KHDRBS2: variants seen among roughly 807,000 people sequenced by gnomAD.
KHDRBS2 encodes KH RNA binding domain containing, signal transduction associated 2, also known as KH domain-containing, RNA-binding, signal transduction-associated protein 2.
KHDRBS2 carries 26 observed loss-of-function variants against 44.3 expected under a neutral mutation model. That is an observed-to-expected ratio of 0.59 (90% CI 0.43 to 0.81). The LOEUF (loss-of-function observed/expected upper bound fraction) is 0.81. Ranked by LOEUF, KHDRBS2 falls within the 40% of genes least tolerant of loss-of-function variation. KHDRBS2 has a pLI of 0.00. For missense variants in KHDRBS2, 476 were observed against 433.1 expected (o/e 1.10, Z -0.88); for synonymous variants, 194 against 151.1 (o/e 1.28, Z -2.08).
chr6:62,065,675 C>T (rs917007037), intron 2 of KHDRBS2, among the ~76,000 whole-genome samples: 7 of 146,204 alleles, frequency 4.8e-5, no homozygotes, highest in Admixed American at 4.1e-4. Context: ...GGAGATATAC[C>T]TAATGCTAGA....
At chr6:61,595,502 C>T in the KHDRBS2 span, among the ~76,000 whole-genome samples, 2 of 152,080 alleles carry the variant, frequency 1.3e-5, no homozygotes, top group Admixed American at 6.5e-5. Context: ...CATCTTCATG[C>T]ATTTATAACT....
chr6:61,622,687 T>C, the KHDRBS2 span, among the ~76,000 whole-genome samples: 2 of 152,110 alleles, frequency 1.3e-5, no homozygotes, highest in African/African-American at 2.4e-5. Context: ...ATGCCTGAGT[T>C]TCCCCGGCAG....
chr6:61,987,511 C>A (rs889696619), intron 3 of KHDRBS2, among the ~76,000 whole-genome samples: 1 of 152,072 alleles, frequency 6.6e-6, no homozygotes, highest in Non-Finnish European at 1.5e-5. Context: ...CTTCTTGATG[C>A]CCCAGGGAAC....
At chr6:61,853,448 A>T (rs62414686) in intron 6 of KHDRBS2, among the ~76,000 whole-genome samples, 3 of 152,212 alleles carry the variant, frequency 2.0e-5, no homozygotes, top group African/African-American at 4.8e-5. Context: ...TCAAAAACCT[A>T]GGCATAAAAA....
intron 2 of KHDRBS2, among the ~76,000 whole-genome samples, chr6:62,161,485 A>G (rs1187787697): frequency 3.4e-5 from 5 of 148,714 alleles, no homozygotes; most frequent in Non-Finnish European, 5.9e-5. Context: ...GATATCATTT[A>G]AAGTATATGT....
chr6:61,660,540 C>A, the KHDRBS2 span, among the ~76,000 whole-genome samples: 2 of 151,672 alleles, frequency 1.3e-5, no homozygotes, highest in Non-Finnish European at 2.9e-5. Flanking sequence ...TTTTAAAATA[C>A]AAGAATATAC....
chr6:61,570,117 A>C, the KHDRBS2 span, among the ~76,000 whole-genome samples: 1 of 152,182 alleles, frequency 6.6e-6, no homozygotes, highest in Non-Finnish European at 1.5e-5. Context: ...AAAGTTGATT[A>C]ATAAGGTACT....
intron 6 of KHDRBS2, among the ~76,000 whole-genome samples, chr6:61,869,519 G>T (rs1019785828): frequency 1.3e-5 from 2 of 152,164 alleles, no homozygotes; most frequent in Admixed American, 6.5e-5. Context: ...TCCAAAGAAG[G>T]TTTGCAAGCA....
Position 62,106,330 on chromosome 6 carries a change from T to A in KHDRBS2, c.220-58336A>T, listed in dbSNP as rs1050259910. On this transcript the variant is annotated intron_variant, in intron 2 of 8. Coordinates refer to ENST00000281156, the MANE Select transcript of KHDRBS2 (RefSeq NM_152688.4). ...CAGAGCTGAGTTCAATTCCAGGGGA[T>A]CCTTGTTAACTTTCTGTCTCGCTGA... Among the ~76,000 whole-genome samples the A allele has an allele frequency of 3.9e-5, 6 of 152,256 alleles. No individual in the cohort carries two copies. In the South Asian group the frequency reaches 1.2e-3, roughly 32 times the overall value.
At chr6:62,224,720 A>C (rs1456811463) in intron 1 of KHDRBS2, among the ~76,000 whole-genome samples, 1 of 152,204 alleles carries the variant, frequency 6.6e-6, no homozygotes, top group Non-Finnish European at 1.5e-5. Flanking sequence ...ACAGTGTTTA[A>C]GAGTGGAAAC....
intron 2 of KHDRBS2, among the ~76,000 whole-genome samples, chr6:62,104,613 T>G (rs1802706968): frequency 6.6e-6 from 1 of 151,560 alleles, no homozygotes; most frequent in Non-Finnish European, 1.5e-5. Flanking sequence ...AAATCAAAAC[T>G]CAAAAAATCA....
chr6:61,681,958 T>A (rs562411598), intron 8 of KHDRBS2, among the ~76,000 whole-genome samples: 4 of 151,870 alleles, frequency 2.6e-5, no homozygotes, highest in Non-Finnish European at 5.9e-5. Context: ...AGAATTTAGT[T>A]CCTCATCAAG....
chr6:62,126,721 C>A (rs1401633193), intron 2 of KHDRBS2, among the ~76,000 whole-genome samples: 1 of 152,188 alleles, frequency 6.6e-6, no homozygotes, highest in Non-Finnish European at 1.5e-5. Context: ...CTATGAAAGG[C>A]TTGTTCCTCA....
At chr6:62,067,656 T>A (rs565130164) in intron 2 of KHDRBS2, among the ~76,000 whole-genome samples, 46 of 151,660 alleles carry the variant, frequency 3.0e-4, no homozygotes, top group Admixed American at 1.3e-3. Context: ...CACAGGGTTA[T>A]ACAACCATTG....
At chr6:61,670,250 T>C in the KHDRBS2 span, among the ~76,000 whole-genome samples, 2 of 151,370 alleles carry the variant, frequency 1.3e-5, no homozygotes, top group East Asian at 2.0e-4. Context: ...AGACAATCAT[T>C]ATTTGTACCT....
chr6:61,899,813 A>T (rs1036580239), intron 5 of KHDRBS2, among the ~76,000 whole-genome samples: 8 of 145,782 alleles, frequency 5.5e-5, no homozygotes, highest in African/African-American at 2.0e-4. Flanking sequence ...ACTTACGTTC[A>T]ACCACATAAA....
chr6:62,219,533 AT>A, intron 1 of KHDRBS2, among the ~76,000 whole-genome samples: 2 of 151,724 alleles, frequency 1.3e-5, no homozygotes, highest in East Asian at 3.9e-4. Context: ...AAATAGTAAA[AT>A]AAAATTGAAA....
the KHDRBS2 span, among the ~76,000 whole-genome samples, chr6:61,645,246 A>G: frequency 1.3e-5 from 2 of 152,144 alleles, no homozygotes; most frequent in Non-Finnish European, 2.9e-5. Context: ...CTCACTTATA[A>G]GTGGTAGCTA....
chr6:61,554,655 C>T, the KHDRBS2 span, among the ~76,000 whole-genome samples: 3 of 152,134 alleles, frequency 2.0e-5, no homozygotes, highest in Non-Finnish European at 2.9e-5. Flanking sequence ...ACTGTCTTTC[C>T]TTTCCATGTT....
Sources: allele counts gnomAD v4.1 joint callset (sites outside exome capture counted in the v4.1 genomes callset), GRCh38; gene constraint gnomAD v4.1.1; transcripts MANE v1.5; gene names NCBI Gene and HGNC (gene_info 2026-07-23, HGNC 2026-07-21).